The following MTCL2 variants were observed in gnomAD, a reference collection of about 807,000 sequenced individuals.
The protein encoded by MTCL2 is microtubule cross-linking factor 2.
At chr20:36,810,098 G>T in the MTCL2 span, 1 of 1,596,264 alleles carries the variant, frequency 6.3e-7, no homozygotes. Context: ...ACCAGCTGCA[G>T]CTCCTTGATC....
At chr20:36,785,135 G>C in the MTCL2 span, 1 of 985,448 alleles carries the variant, frequency 1.0e-6, no homozygotes, top group Non-Finnish European at 1.2e-6. Flanking sequence ...TGAGTAATAA[G>C]TAGTGTTCTG....
At chr20:36,847,667 A>G in the MTCL2 span, among the ~76,000 whole-genome samples, 4 of 152,154 alleles carry the variant, frequency 2.6e-5, no homozygotes, top group Admixed American at 2.6e-4. Flanking sequence ...CAGCCTGGAC[A>G]ACATAGCGAG....
the MTCL2 span, chr20:36,859,562 T>G: frequency 6.6e-6 from 8 of 1,216,366 alleles, no homozygotes; most frequent in Non-Finnish European, 8.2e-6. Flanking sequence ...AAAGTGACAG[T>G]GAGCTCACTA....
the MTCL2 span, among the ~76,000 whole-genome samples, chr20:36,846,360 G>C: frequency 6.6e-6 from 1 of 152,156 alleles, no homozygotes; most frequent in Non-Finnish European, 1.5e-5. Flanking sequence ...CCTCCTTCAA[G>C]TTGACCTCTT....
chr20:36,810,706 T>G, the MTCL2 span, among the ~76,000 whole-genome samples: 1 of 61,076 alleles, frequency 1.6e-5, no homozygotes, highest in South Asian at 5.7e-4. Context: ...CCTCCCCTCC[T>G]TCTCTCTCTC....
At chr20:36,817,327 A>AATCTG in the MTCL2 span, 1 of 1,285,258 alleles carries the variant, frequency 7.8e-7, no homozygotes, top group South Asian at 1.4e-5. Flanking sequence ...GACAGGGCAG[A>AATCTG]ATCTGGGATC....
the MTCL2 span, chr20:36,797,391 G>A: frequency 9.1e-7 from 1 of 1,094,142 alleles, no homozygotes. Flanking sequence ...AAGGTGCAAG[G>A]GTGTGACCTA....
chr20:36,840,556 A>C, the MTCL2 span, among the ~76,000 whole-genome samples: 15 of 151,610 alleles, frequency 9.9e-5, no homozygotes, highest in African/African-American at 3.4e-4. Context: ...GCCATTTAAG[A>C]AACATGGATG....
the MTCL2 span, among the ~76,000 whole-genome samples, chr20:36,841,876 T>TGTGTGTGG: frequency 1.6e-5 from 1 of 63,388 alleles, no homozygotes; most frequent in Admixed American, 1.5e-4. Flanking sequence ...GGGGGTGGGG[T>TGTGTGTGG]GTGTGTGTGT....
At chr20:36,823,224 C>G in the MTCL2 span, among the ~76,000 whole-genome samples, 1 of 152,132 alleles carries the variant, frequency 6.6e-6, no homozygotes, top group East Asian at 1.9e-4. Context: ...AAACATTGGC[C>G]CCAAATCAAA....
At chr20:36,780,978 C>G in the MTCL2 span, 1 of 152,110 alleles carries the variant, frequency 6.6e-6, no homozygotes, top group Non-Finnish European at 1.5e-5. Flanking sequence ...ATGTGTTTCT[C>G]TTTTTACCAA....
chr20:36,811,644 A>C, the MTCL2 span, among the ~76,000 whole-genome samples: 1 of 151,894 alleles, frequency 6.6e-6, no homozygotes, highest in Admixed American at 6.6e-5. Flanking sequence ...AAAAAAAACA[A>C]AAAAAAGAAT....
At chr20:36,805,024 A>G in the MTCL2 span, 2 of 1,059,040 alleles carry the variant, frequency 1.9e-6, no homozygotes, top group African/African-American at 1.6e-5. Context: ...CAAGTCCCAC[A>G]ACCTCCCTAG....
the MTCL2 span, chr20:36,784,933 T>A: frequency 1.0e-6 from 1 of 985,484 alleles, no homozygotes; most frequent in Non-Finnish European, 1.2e-6. Context: ...TTGGGAAACT[T>A]GGAGGGATCT....
chr20:36,793,893 T>C, the MTCL2 span: 1 of 1,550,706 alleles, frequency 6.4e-7, no homozygotes, highest in Non-Finnish European at 8.7e-7. The surrounding 1 kb of genome is among the most constrained non-coding windows in gnomAD (Gnocchi z 6.8). Flanking sequence ...TGGAGGCTGC[T>C]GCGGGGTGGG....
the MTCL2 span, among the ~76,000 whole-genome samples, chr20:36,850,731 C>CTAAAATGTGGTAAAAAAACCA: frequency 6.6e-6 from 1 of 152,170 alleles, no homozygotes; most frequent in Non-Finnish European, 1.5e-5. Context: ...TTTTCTAAAA[C>CTAAAATGTGGTAAAAAAACCA]CATGTTTAAA....
chr20:36,833,052 C>G, the MTCL2 span, among the ~76,000 whole-genome samples: 1 of 152,300 alleles, frequency 6.6e-6, no homozygotes, highest in Middle Eastern at 3.4e-3. Context: ...TTATTATCCC[C>G]ATTCTGAGGC....
the MTCL2 span, among the ~76,000 whole-genome samples, chr20:36,849,439 T>G: frequency 2.6e-5 from 4 of 152,062 alleles, no homozygotes; most frequent in African/African-American, 9.7e-5. Context: ...CACTTTTTAC[T>G]TATTTTATTC....
chr20:36,815,243 T>C, the MTCL2 span: 11 of 1,613,922 alleles, frequency 6.8e-6, no homozygotes, highest in South Asian at 1.1e-4. The surrounding 1 kb of genome is among the most constrained non-coding windows in gnomAD (Gnocchi z 5.3). Context: ...ACCCGAGGAC[T>C]GCATCTGCCT....
Sources: allele counts gnomAD v4.1 joint callset (sites outside exome capture counted in the v4.1 genomes callset), GRCh38; gene constraint gnomAD v4.1.1; non-coding constraint Gnocchi (gnomAD v3.1); transcripts MANE v1.5; gene names NCBI Gene and HGNC (gene_info 2026-07-23, HGNC 2026-07-21).